Variants in XKR3 observed in about 807,000 individuals in gnomAD.
The protein encoded by XKR3 is XK-related protein 3.
XKR3 carries 27 observed loss-of-function variants against 40.3 expected under a neutral mutation model. The ratio of observed to expected loss-of-function variants is 0.67; its 90% CI spans 0.49 to 0.92. The LOEUF (loss-of-function observed/expected upper bound fraction) is 0.92, where lower values mean the gene tolerates loss of function less well. XKR3 is among the 40% of genes least tolerant of loss of function. The pLI is 0.00. For synonymous variants in XKR3, 193 were observed against 195.4 expected, an observed-to-expected ratio of 0.99 and a Z score of 0.10; for missense variants, 472 against 537.6, an observed-to-expected ratio of 0.88 and a Z score of 1.21.
At chr22:16,824,315 G>GT (rs35229027) in intron 1 of XKR3, among the ~76,000 whole-genome samples, 20,030 of 152,000 alleles carry the variant, frequency 0.13, 1,557 homozygotes, top group East Asian at 0.37. Context: ...CCATAAAAAT[G>GT]TTTTTCCCCA....
rs1379813498 is a variant in XKR3, at chr22:16,802,338, T to C, written c.336-2314A>G. Among the ~76,000 whole-genome samples the C allele has an allele frequency of 2.6e-5, 4 of 152,296 alleles. No individual in the cohort carries two copies. In the East Asian group the frequency reaches 7.7e-4, roughly 29 times the overall value. ...ATCAGGGTTTGGGGAAGGAAAAATT[T>C]ATAGATACTTGATTGAATTGTCTTA... On this transcript the variant is annotated intron_variant, in intron 2 of 3. Coordinates refer to ENST00000684488, the MANE Select transcript of XKR3 (RefSeq NM_001386955.1).
At chr22:16,791,764 A>T (rs1401717342) in intron 3 of XKR3, among the ~76,000 whole-genome samples, 4 of 80,992 alleles carry the variant, frequency 4.9e-5, no homozygotes, top group African/African-American at 2.3e-4. Context: ...AGAGAGGGAG[A>T]GAGGGAGAGA....
Position 16,799,767 on chromosome 22 carries a change from T to C in XKR3, c.589+4A>G. On this transcript the variant is annotated splice_donor_region_variant and intron_variant, in intron 3 of 3. Coordinates refer to ENST00000684488, the MANE Select transcript of XKR3 (RefSeq NM_001386955.1). ...GTCTTTCAGCATCAAGTAACTCAAC[T>C]TACCTCTATTCAAAGGCCATTCTCG... The C allele has an allele frequency of 1.2e-6, 2 of 1,613,664 alleles. No homozygotes were observed. The highest frequency in any genetic ancestry group is 2.2e-5 in the East Asian group (1 of 44,862).
At chr22:16,786,109 A>C (rs2146138514) in intron 3 of XKR3, among the ~76,000 whole-genome samples, 1 of 152,202 alleles carries the variant, frequency 6.6e-6, no homozygotes, top group East Asian at 1.9e-4. Flanking sequence ...CCTAAAAATT[A>C]AATGTTCGAA....
chr22:16,786,505 G>T (rs1221853439), intron 3 of XKR3, among the ~76,000 whole-genome samples: 2 of 152,158 alleles, frequency 1.3e-5, no homozygotes, highest in Non-Finnish European at 2.9e-5. Context: ...ATGGAGTCGA[G>T]TTCCAGTCAA....
intron 3 of XKR3, among the ~76,000 whole-genome samples, chr22:16,796,372 G>T (rs1197665599): frequency 6.6e-6 from 1 of 152,128 alleles, no homozygotes; most frequent in Non-Finnish European, 1.5e-5. Context: ...TATGAGCCCA[G>T]CATCAGCCTG....
At chr22:16,824,885 G>A (rs2060267970) in intron 1 of XKR3, among the ~76,000 whole-genome samples, 1 of 152,146 alleles carries the variant, frequency 6.6e-6, no homozygotes, top group African/African-American at 2.4e-5. Flanking sequence ...GAAAGTGAAA[G>A]TGAAGTCACT....
chr22:16,788,921 C>G (rs2060102701), intron 3 of XKR3, among the ~76,000 whole-genome samples: 1 of 151,954 alleles, frequency 6.6e-6, no homozygotes, highest in Admixed American at 6.6e-5. Context: ...AATAAAAAAG[C>G]CATTTGACAA....
Position 16,783,538 on chromosome 22 carries a change from T to A in XKR3, c.*81A>T. On this transcript the variant is annotated 3_prime_UTR_variant, in exon 4 of 4. Coordinates refer to ENST00000684488, the MANE Select transcript of XKR3 (RefSeq NM_001386955.1). ...ACCACTTCCAAGATTTTGCTGTGTATATTTTTTAAATTTAAGAGCCTCTTA... is the reference window on the plus strand; with the variant it reads ...ACCACTTCCAAGATTTTGCTGTGTAAATTTTTTAAATTTAAGAGCCTCTTA... The A allele has an allele frequency of 8.7e-7, 1 of 1,150,544 alleles. No homozygotes were observed. Among genetic ancestry groups the A allele is most frequent in the Non-Finnish European group, 1.2e-6 (1 of 849,962 alleles). 71.3% of individuals were successfully genotyped at this position (1,150,544 alleles called of 1,614,324 possible).
chr22:16,792,520 T>C (rs1173451626), intron 3 of XKR3, among the ~76,000 whole-genome samples: 3 of 152,230 alleles, frequency 2.0e-5, no homozygotes, highest in African/African-American at 7.2e-5. Context: ...TATTCAGCCA[T>C]CATTTGTTTT....
At chr22:16,794,154 C>T (rs1302693463) in intron 3 of XKR3, among the ~76,000 whole-genome samples, 2 of 152,196 alleles carry the variant, frequency 1.3e-5, no homozygotes, top group East Asian at 3.9e-4. Flanking sequence ...GAAAGTCTTC[C>T]TCATCACACT....
intron 3 of XKR3, among the ~76,000 whole-genome samples, chr22:16,785,202 A>G (rs1203331117): frequency 2.0e-5 from 3 of 152,110 alleles, no homozygotes; most frequent in Non-Finnish European, 4.4e-5. Context: ...TTGTAGTCCC[A>G]GCTACTCGGG....
intron 3 of XKR3, among the ~76,000 whole-genome samples, chr22:16,792,954 C>T (rs2060126486): frequency 6.6e-6 from 1 of 152,172 alleles, no homozygotes; most frequent in Admixed American, 6.5e-5. Context: ...TTCACGTATA[C>T]TTGAATGGCA....
intron 1 of XKR3, chr22:16,821,475 T>C (rs1431740906): frequency 6.6e-6 from 1 of 152,120 alleles, no homozygotes; most frequent in Non-Finnish European, 1.5e-5. Context: ...GTACACAAAG[T>C]GAATTTGCTT....
chr22:16,805,122 T>C (rs950199756), intron 2 of XKR3, among the ~76,000 whole-genome samples: 6 of 152,072 alleles, frequency 3.9e-5, no homozygotes, highest in Admixed American at 6.5e-5. Flanking sequence ...GGCAAACAGA[T>C]TAAAAAAAGG....
At chr22:16,817,926 G>A (rs2060240421) in intron 1 of XKR3, among the ~76,000 whole-genome samples, 1 of 152,036 alleles carries the variant, frequency 6.6e-6, no homozygotes, top group East Asian at 1.9e-4. Flanking sequence ...CCCTTCTGCA[G>A]TTGAAAAAGA....
At chr22:16,795,671 A>C (rs2060137415) in intron 3 of XKR3, among the ~76,000 whole-genome samples, 1 of 152,046 alleles carries the variant, frequency 6.6e-6, no homozygotes, top group African/African-American at 2.4e-5. Context: ...AAATTAACAA[A>C]GACAAAAAAA....
At position 16,799,905 on chromosome 22, in the gene XKR3, G is replaced by A. The variant is rs189983916; in HGVS notation, c.455C>T (p.Ser152Leu). The change falls in exon 3 of 4, where the codon TCA becomes TTA. Residue 152 changes from serine (S) to leucine (L), a missense_variant. By Grantham distance (145) the Ser-to-Leu change is moderately radical. Transcript: ENST00000684488. The stretch of plus-strand genomic sequence containing the variant: ...CTGCTGCATGAAATTATCCCGGATT[G>A]AGAATGCAATCTCCCTTTCCAGCAT... The part of the protein sequence containing the change: ...NTMLEREIAF[S>L]IRDNFMQQKA... 1.2e-6 allele frequency: 2 copies of A among 1,614,098 alleles called. No homozygotes were observed. The highest frequency in any genetic ancestry group is 1.3e-5 in the African/African-American group (1 of 75,044).
chr22:16,794,176 C>G (rs1296770236), intron 3 of XKR3, among the ~76,000 whole-genome samples: 2 of 152,130 alleles, frequency 1.3e-5, no homozygotes, highest in Non-Finnish European at 2.9e-5. Context: ...GAGAGGTCAA[C>G]ATCCAAATCC....
Sources: gnomAD v4.1 joint callset for allele counts (sites outside exome capture counted in the v4.1 genomes callset) on GRCh38, gnomAD v4.1.1 for gene constraint, MANE v1.5 for transcripts, NCBI Gene and HGNC (gene_info 2026-07-23, HGNC 2026-07-21) for gene names.